LHFPL3: variants seen among roughly 807,000 people sequenced by gnomAD.
The protein encoded by LHFPL3 is LHFPL tetraspan subfamily member 3, also known as LHFPL tetraspan subfamily member 3 protein.
A neutral mutation model predicts 19.3 loss-of-function variants in LHFPL3; 5 were observed. The ratio of observed to expected loss-of-function variants is 0.26; its 90% CI spans 0.14 to 0.54. The LOEUF (loss-of-function observed/expected upper bound fraction) is 0.54. LHFPL3 is among the 20% of genes least tolerant of loss of function. The pLI is 0.94. For missense variants in LHFPL3, 249 were observed against 307.4 expected, an observed-to-expected ratio of 0.81 and a Z score of 1.42; for synonymous variants, 133 against 126.2, an observed-to-expected ratio of 1.05 and a Z score of -0.36.
At chr7:104,503,757 A>G (rs191296071) in intron 1 of LHFPL3, among the ~76,000 whole-genome samples, 4 of 152,108 alleles carry the variant, frequency 2.6e-5, no homozygotes, top group Non-Finnish European at 4.4e-5. Flanking sequence ...TTTGGTAGAT[A>G]TGGGGTTTTG....
chr7:104,812,880 G>A (rs1029783564), intron 2 of LHFPL3, among the ~76,000 whole-genome samples: 2 of 149,032 alleles, frequency 1.3e-5, no homozygotes, highest in Non-Finnish European at 3.0e-5. Context: ...TTGGGAGGCC[G>A]AGGTGGGCAG....
At chr7:104,741,257 G>A (rs1010439843) in intron 2 of LHFPL3, among the ~76,000 whole-genome samples, 18 of 151,988 alleles carry the variant, frequency 1.2e-4, no homozygotes, top group African/African-American at 4.1e-4. Context: ...AGAAGTCACA[G>A]CTAAGATTTA....
intron 2 of LHFPL3, among the ~76,000 whole-genome samples, chr7:104,852,996 T>C (rs545226174): frequency 6.6e-6 from 1 of 152,292 alleles, no homozygotes; most frequent in East Asian, 1.9e-4. Flanking sequence ...AGGCAGGAGT[T>C]TGGGCACAGA....
intron 2 of LHFPL3, among the ~76,000 whole-genome samples, chr7:104,821,738 C>G (rs559390021): frequency 6.6e-6 from 1 of 152,296 alleles, no homozygotes; most frequent in East Asian, 1.9e-4. Flanking sequence ...TAAAGTAGCA[C>G]AGTCAAAGTT....
chr7:104,869,652 A>G (rs1467469769), intron 2 of LHFPL3, among the ~76,000 whole-genome samples: 1 of 152,256 alleles, frequency 6.6e-6, no homozygotes, highest in South Asian at 2.1e-4. Flanking sequence ...GGGACTGTAA[A>G]CTAGTTCAAC....
intron 1 of LHFPL3, among the ~76,000 whole-genome samples, chr7:104,432,013 A>T (rs946800027): frequency 6.6e-6 from 1 of 152,176 alleles, no homozygotes; most frequent in Non-Finnish European, 1.5e-5. Flanking sequence ...CTAATATTTA[A>T]TATCATACCA....
At chr7:104,483,171 A>G (rs1793169200) in intron 1 of LHFPL3, among the ~76,000 whole-genome samples, 1 of 152,166 alleles carries the variant, frequency 6.6e-6, no homozygotes, top group Non-Finnish European at 1.5e-5. Flanking sequence ...CATTCCTCCA[A>G]CTGATCGATA....
intron 1 of LHFPL3, among the ~76,000 whole-genome samples, chr7:104,596,820 G>C (rs1392135443): frequency 6.6e-6 from 1 of 152,148 alleles, no homozygotes; most frequent in Non-Finnish European, 1.5e-5. Flanking sequence ...ACTCTTCATT[G>C]CAGCGACTAA....
At chr7:104,484,143 C>G (rs577424563) in intron 1 of LHFPL3, among the ~76,000 whole-genome samples, 1 of 152,074 alleles carries the variant, frequency 6.6e-6, no homozygotes, top group Non-Finnish European at 1.5e-5. Context: ...TTCCTTTCTT[C>G]ATTAAGAAAA....
chr7:104,622,793 C>T (rs1039122333), intron 1 of LHFPL3, among the ~76,000 whole-genome samples: 4 of 152,120 alleles, frequency 2.6e-5, no homozygotes, highest in African/African-American at 4.8e-5. Context: ...TTTGTGCAGA[C>T]GTATGTTTTA....
chr7:104,459,618 C>T (rs146493088), intron 1 of LHFPL3, among the ~76,000 whole-genome samples: 108 of 152,284 alleles, frequency 7.1e-4, no homozygotes, highest in African/African-American at 2.3e-3. Context: ...CTGTGTAACA[C>T]ATCACTCAAG....
chr7:104,820,859 G>A (rs754427844), intron 2 of LHFPL3, among the ~76,000 whole-genome samples: 4 of 152,048 alleles, frequency 2.6e-5, no homozygotes, highest in Non-Finnish European at 4.4e-5. Flanking sequence ...ACCAACAAAC[G>A]CCAACACAGT....
intron 1 of LHFPL3, among the ~76,000 whole-genome samples, chr7:104,621,864 GA>G (rs951071172): frequency 6.6e-6 from 1 of 152,014 alleles, no homozygotes; most frequent in African/African-American, 2.4e-5. Context: ...GGTCCCCAAA[GA>G]AATAAAAATA....
At chr7:104,745,728 G>A (rs1451404147) in intron 2 of LHFPL3, among the ~76,000 whole-genome samples, 1 of 152,186 alleles carries the variant, frequency 6.6e-6, no homozygotes, top group East Asian at 1.9e-4. Flanking sequence ...TTGAAAATGT[G>A]TAGTCCTGTA....
chr7:104,837,506 A>G (rs1471814821), intron 2 of LHFPL3, among the ~76,000 whole-genome samples: 1 of 152,234 alleles, frequency 6.6e-6, no homozygotes, highest in East Asian at 1.9e-4. Flanking sequence ...ATCCTCATTA[A>G]TAATCCCATA....
At chr7:104,758,691 TC>T (rs1328369963) in intron 2 of LHFPL3, among the ~76,000 whole-genome samples, 2 of 152,108 alleles carry the variant, frequency 1.3e-5, no homozygotes, top group East Asian at 3.8e-4. Context: ...TCTGGCCCAT[TC>T]CTCATGTGAC....
chr7:104,484,322 C>A (rs1368499952), intron 1 of LHFPL3, among the ~76,000 whole-genome samples: 1 of 152,170 alleles, frequency 6.6e-6, no homozygotes, highest in Non-Finnish European at 1.5e-5. Context: ...CTCCCTGCTA[C>A]ACTTGCCCCA....
chr7:104,762,083 T>A (rs962263821), intron 2 of LHFPL3, among the ~76,000 whole-genome samples: 5 of 152,220 alleles, frequency 3.3e-5, no homozygotes, highest in African/African-American at 1.2e-4. Context: ...CTCCCAGCGA[T>A]GCCAGTGTGT....
chr7:104,402,686 G>T (rs1207433575), intron 1 of LHFPL3, among the ~76,000 whole-genome samples: 1 of 152,198 alleles, frequency 6.6e-6, no homozygotes. Flanking sequence ...CCTCTCCCCA[G>T]ACTGGTCTTA....
Sources: gnomAD v4.1 joint callset for allele counts (sites outside exome capture counted in the v4.1 genomes callset) on GRCh38, gnomAD v4.1.1 for gene constraint, MANE v1.5 for transcripts, NCBI Gene and HGNC (gene_info 2026-07-23, HGNC 2026-07-21) for gene names.